The following THSD7B variants were observed in gnomAD, a reference collection of about 807,000 sequenced individuals.
THSD7B encodes the protein thrombospondin type-1 domain-containing protein 7B.
Under a neutral mutation model 213.6 loss-of-function variants are expected in THSD7B, and 138 were observed. That is an observed-to-expected ratio of 0.65 (90% CI 0.56 to 0.74). The LOEUF is 0.74. THSD7B is among the 30% of genes least tolerant of loss of function. The pLI, the probability that THSD7B is intolerant of heterozygous loss-of-function variation, is 0.00. For synonymous variants in THSD7B, 742 were observed against 687.0 expected, an observed-to-expected ratio of 1.08 and a Z score of -1.25; for missense variants, 1,931 against 1,991.5, an observed-to-expected ratio of 0.97 and a Z score of 0.58.
intron 6 of THSD7B, among the ~76,000 whole-genome samples, chr2:137,162,852 T>C (rs1164248618): frequency 2.6e-5 from 4 of 151,990 alleles, no homozygotes; most frequent in Admixed American, 6.6e-5. Context: ...CTCTGCCTCC[T>C]GGGTTCAAGC....
intron 7 of THSD7B, among the ~76,000 whole-genome samples, chr2:137,221,392 C>T (rs1681368716): frequency 6.6e-6 from 1 of 150,476 alleles, no homozygotes; most frequent in African/African-American, 2.5e-5. Flanking sequence ...TAGAACTGTC[C>T]TGCCTCGTCA....
At chr2:137,467,109 A>G (rs1371323193) in intron 15 of THSD7B, among the ~76,000 whole-genome samples, 8 of 152,174 alleles carry the variant, frequency 5.3e-5, no homozygotes, top group Non-Finnish European at 1.0e-4. Context: ...TACTCATTGG[A>G]AGAAGTCCTG....
intron 3 of THSD7B, among the ~76,000 whole-genome samples, chr2:137,061,643 G>T (rs1687275137): frequency 6.6e-6 from 1 of 151,618 alleles, no homozygotes; most frequent in African/African-American, 2.4e-5. Context: ...TCATTAGCCT[G>T]TTTATGTTAT....
chr2:137,063,662 T>C (rs1029191257), intron 3 of THSD7B, among the ~76,000 whole-genome samples: 1 of 152,024 alleles, frequency 6.6e-6, no homozygotes, highest in South Asian at 2.1e-4. Flanking sequence ...AATCTCCATT[T>C]TCCCCAATCA....
chr2:137,424,251 A>G (rs948811281), intron 14 of THSD7B, among the ~76,000 whole-genome samples: 2 of 152,188 alleles, frequency 1.3e-5, no homozygotes, highest in Non-Finnish European at 1.5e-5. Flanking sequence ...TGGACTAGGC[A>G]GAGACTTCTT....
intron 10 of THSD7B, among the ~76,000 whole-genome samples, chr2:137,255,390 G>C (rs781011163): frequency 6.6e-6 from 1 of 152,106 alleles, no homozygotes; most frequent in East Asian, 1.9e-4. Context: ...AAATGTATCA[G>C]TTTCTTGTTG....
At chr2:136,779,993 G>C (rs913192042) in intron 1 of THSD7B, among the ~76,000 whole-genome samples, 11 of 152,090 alleles carry the variant, frequency 7.2e-5, no homozygotes, top group Admixed American at 5.9e-4. Flanking sequence ...GGATGTATTA[G>C]CTAAGGCTGT....
chr2:137,424,642 T>C (rs1164519095), intron 14 of THSD7B, among the ~76,000 whole-genome samples: 1 of 152,138 alleles, frequency 6.6e-6, no homozygotes, highest in African/African-American at 2.4e-5. Context: ...TATGATCATC[T>C]CAATAGATAA....
At chr2:137,069,983 AT>A (rs1417240081) in intron 3 of THSD7B, among the ~76,000 whole-genome samples, 1 of 151,358 alleles carries the variant, frequency 6.6e-6, no homozygotes, top group Non-Finnish European at 1.5e-5. Context: ...CCAGTTAGAG[AT>A]TTTATTTCCA....
chr2:136,815,792 A>G (rs193195879), intron 1 of THSD7B, among the ~76,000 whole-genome samples: 6 of 152,302 alleles, frequency 3.9e-5, no homozygotes, highest in Non-Finnish European at 7.4e-5. Context: ...GAGAGGTTAA[A>G]TTTTGACCAA....
At chr2:137,440,259 C>A (rs533958420) in intron 14 of THSD7B, among the ~76,000 whole-genome samples, 17 of 152,126 alleles carry the variant, frequency 1.1e-4, no homozygotes, top group African/African-American at 3.9e-4. Context: ...CTGCCTTTTT[C>A]ATTATATAAT....
intron 15 of THSD7B, among the ~76,000 whole-genome samples, chr2:137,495,251 G>T (rs1679534298): frequency 6.6e-6 from 1 of 152,016 alleles, no homozygotes; most frequent in Admixed American, 6.6e-5. Context: ...AAACTGGCAG[G>T]TTTAATATTT....
At position 137,056,584 on chromosome 2, in the gene THSD7B, G is replaced by A. The variant is rs780050480; in HGVS notation, c.304G>A (p.Asp102Asn). Residue 102 changes from aspartate to asparagine, a missense_variant, in exon 3 of 28, where the codon GAC (aspartate) becomes AAC (asparagine). Asp to Asn is a conservative substitution (Grantham distance 23, BLOSUM62 1). Transcript: ENST00000409968. ...SCFRVCDWHS[D>N]LFQWEVSDWH... ...TTTCCGAGTTTGTGACTGGCACAGT[G>A]ACCTCTTTCAGTGGGAGGTTTCTGA... The A allele has an allele frequency of 6.2e-7, 1 of 1,613,916 alleles. No homozygotes were observed. Among genetic ancestry groups the A allele is most frequent in the Non-Finnish European group, 8.5e-7 (1 of 1,179,882 alleles).
intron 17 of THSD7B, among the ~76,000 whole-genome samples, chr2:137,610,371 G>C (rs1000931508): frequency 6.6e-6 from 1 of 152,050 alleles, no homozygotes; most frequent in Non-Finnish European, 1.5e-5. Context: ...TCCATGGAAG[G>C]CATGGCTAGG....
chr2:137,306,508 TATCATCACC>T (rs1420715702), intron 12 of THSD7B, among the ~76,000 whole-genome samples: 1 of 152,188 alleles, frequency 6.6e-6, no homozygotes, highest in Admixed American at 6.5e-5. Flanking sequence ...TCAATGTGTT[TATCATCACC>T]ATCATCATTA....
chr2:136,840,638 G>T (rs1682907498), intron 1 of THSD7B, among the ~76,000 whole-genome samples: 1 of 152,182 alleles, frequency 6.6e-6, no homozygotes, highest in Non-Finnish European at 1.5e-5. Flanking sequence ...ATCAACAAAG[G>T]CTTTGAATGT....
intron 4 of THSD7B, among the ~76,000 whole-genome samples, chr2:137,107,433 G>T (rs552315487): frequency 2.6e-4 from 40 of 152,282 alleles, no homozygotes; most frequent in African/African-American, 8.9e-4. Flanking sequence ...AATACGTAAC[G>T]TAGATGATGG....
intron 1 of THSD7B, among the ~76,000 whole-genome samples, chr2:136,813,533 T>A (rs912378351): frequency 5.3e-5 from 8 of 152,188 alleles, no homozygotes; most frequent in African/African-American, 1.9e-4. Flanking sequence ...AGCTGAAGGT[T>A]TTTAACTCCT....
intron 12 of THSD7B, among the ~76,000 whole-genome samples, chr2:137,315,560 CG>C (rs1684076299): frequency 1.3e-5 from 2 of 152,046 alleles, no homozygotes; most frequent in African/African-American, 4.8e-5. Flanking sequence ...AATTTTAAAA[CG>C]TTTTTCAGTA....
Sources: allele counts gnomAD v4.1 joint callset (sites outside exome capture counted in the v4.1 genomes callset), GRCh38; gene constraint gnomAD v4.1.1; transcripts MANE v1.5; gene names NCBI Gene and HGNC (gene_info 2026-07-23, HGNC 2026-07-21).